The following RAD51B variants were observed in gnomAD, a reference collection of about 807,000 sequenced individuals.
The protein encoded by RAD51B is RAD51 paralog B.
A neutral mutation model predicts 42.2 loss-of-function variants in RAD51B; 38 were observed. That is an observed-to-expected ratio of 0.90 (90% CI 0.70 to 1.18). RAD51B has a LOEUF of 1.18. RAD51B is among the 50% of genes most tolerant of loss of function. The probability of loss-of-function intolerance (pLI) is 0.00; values close to 1 mark genes in which losing one functional copy is unlikely to be tolerated. For synonymous variants in RAD51B, 154 were observed against 145.2 expected (o/e 1.06, Z -0.43); for missense variants, 373 against 400.7 (o/e 0.93, Z 0.59).
intron 9 of RAD51B, among the ~76,000 whole-genome samples, chr14:68,441,652 A>G (rs1444387763): frequency 6.6e-6 from 1 of 152,156 alleles, no homozygotes; most frequent in Non-Finnish European, 1.5e-5. Context: ...TCCATTGCAA[A>G]AAAGATAATG....
At chr14:67,896,914 A>G (rs1461040367) in intron 7 of RAD51B, among the ~76,000 whole-genome samples, 2 of 152,224 alleles carry the variant, frequency 1.3e-5, no homozygotes, top group African/African-American at 2.4e-5. Context: ...CCAATGGAAC[A>G]GAATAGAGAG....
At chr14:68,181,970 C>T (rs546792736) in intron 7 of RAD51B, among the ~76,000 whole-genome samples, 30 of 152,268 alleles carry the variant, frequency 2.0e-4, no homozygotes, top group Middle Eastern at 3.4e-3. Context: ...AGATCCATTG[C>T]CACCTAAAGA....
chr14:68,396,569 G>T (rs2083930223), intron 8 of RAD51B, among the ~76,000 whole-genome samples: 1 of 152,342 alleles, frequency 6.6e-6, no homozygotes, highest in African/African-American at 2.4e-5. Flanking sequence ...ATGTGGAGAT[G>T]ATAGTCATAG....
intron 11 of RAD51B, among the ~76,000 whole-genome samples, chr14:68,670,986 C>A (rs1289432347): frequency 1.3e-5 from 2 of 152,176 alleles, no homozygotes; most frequent in Admixed American, 1.3e-4. Context: ...CAGATTGCAC[C>A]CTGATGCCAG....
At chr14:68,118,225 T>A (rs2077583644) in intron 7 of RAD51B, among the ~76,000 whole-genome samples, 1 of 152,210 alleles carries the variant, frequency 6.6e-6, no homozygotes, top group Non-Finnish European at 1.5e-5. Context: ...CTAATATAAG[T>A]ATAGTACAGT....
chr14:68,657,152 C>T (rs1370825186), intron 11 of RAD51B, among the ~76,000 whole-genome samples: 1 of 152,104 alleles, frequency 6.6e-6, no homozygotes, highest in Non-Finnish European at 1.5e-5. Context: ...AGAAACAGAA[C>T]CTTTACCTAA....
intron 9 of RAD51B, among the ~76,000 whole-genome samples, chr14:68,461,775 A>G (rs1393755424): frequency 3.3e-5 from 5 of 152,210 alleles, no homozygotes; most frequent in African/African-American, 1.2e-4. Context: ...CAGCTTATTT[A>G]CTAAGAGCAA....
rs1040739679 is a variant in RAD51B at position 68,287,215 on chromosome 14, A to G, written c.757-4669A>G. On this transcript the variant is annotated intron_variant, in intron 7 of 10. Transcript: ENST00000471583. The stretch of plus-strand genomic sequence containing the variant: ...CCGTATTTCTTTTTTAAAGATCTTA[A>G]TTTTTCTCCCTATTTTTCCTTGTGG... Among the ~76,000 whole-genome samples, 7 of 152,030 alleles carry G rather than the reference A, an allele frequency of 4.6e-5. No individual in the cohort carries two copies. In the East Asian group the frequency reaches 1.4e-3, roughly 29 times the overall value.
chr14:68,484,040 G>A (rs1472584991), intron 10 of RAD51B, among the ~76,000 whole-genome samples: 2 of 152,192 alleles, frequency 1.3e-5, no homozygotes. Flanking sequence ...TGACTTAACA[G>A]GGATTTAACT....
chr14:67,865,780 C>A, intron 5 of RAD51B, among the ~76,000 whole-genome samples: 1 of 145,768 alleles, frequency 6.9e-6, no homozygotes, highest in Non-Finnish European at 1.5e-5. Flanking sequence ...CCTTGTGATC[C>A]GCCTGCCTTG....
intron 7 of RAD51B, among the ~76,000 whole-genome samples, chr14:68,072,009 T>C (rs1045578301): frequency 7.3e-6 from 1 of 137,570 alleles, no homozygotes; most frequent in Non-Finnish European, 1.5e-5. Context: ...TCCAGGAATT[T>C]ACCCATTTCT....
At chr14:68,491,695 G>A (rs1008579090) in intron 10 of RAD51B, among the ~76,000 whole-genome samples, 16 of 152,112 alleles carry the variant, frequency 1.1e-4, no homozygotes, top group Non-Finnish European at 2.4e-4. Flanking sequence ...TAGCCTTCCC[G>A]AGTCCCAATT....
intron 7 of RAD51B, among the ~76,000 whole-genome samples, chr14:68,264,705 A>G (rs997638546): frequency 6.6e-5 from 10 of 152,218 alleles, no homozygotes; most frequent in Admixed American, 3.9e-4. Context: ...TAATCGGAGA[A>G]GAGATTAGTA....
intron 8 of RAD51B, among the ~76,000 whole-genome samples, chr14:68,303,373 G>A (rs532979049): frequency 2.2e-4 from 33 of 151,598 alleles, no homozygotes; most frequent in African/African-American, 7.3e-4. Context: ...CAGGTTGACG[G>A]GTGCAGCAAA....
At chr14:67,988,042 T>C (rs773590413) in intron 7 of RAD51B, among the ~76,000 whole-genome samples, 16 of 152,136 alleles carry the variant, frequency 1.1e-4, no homozygotes, top group Non-Finnish European at 1.9e-4. Flanking sequence ...AAAAACCCAA[T>C]AACAACCAAC....
At chr14:68,048,001 C>G (rs1343323638) in intron 7 of RAD51B, among the ~76,000 whole-genome samples, 2 of 152,098 alleles carry the variant, frequency 1.3e-5, no homozygotes, top group African/African-American at 4.8e-5. Flanking sequence ...AGAAGAAAGG[C>G]TGCTTTGAAA....
chr14:68,020,454 A>T (rs1341431222), intron 7 of RAD51B, among the ~76,000 whole-genome samples: 1 of 152,148 alleles, frequency 6.6e-6, no homozygotes, highest in African/African-American at 2.4e-5. Context: ...TTTTAAAAAC[A>T]TCACTTAAAG....
intron 7 of RAD51B, among the ~76,000 whole-genome samples, chr14:68,182,402 T>A (rs888024711): frequency 2.0e-5 from 3 of 152,262 alleles, no homozygotes; most frequent in African/African-American, 7.2e-5. Flanking sequence ...GCAGCAGGAT[T>A]TGCTTGAACA....
chr14:67,932,901 C>T (rs1057413495), intron 7 of RAD51B, among the ~76,000 whole-genome samples: 1 of 152,068 alleles, frequency 6.6e-6, no homozygotes, highest in African/African-American at 2.4e-5. Context: ...GGCTTGTCCA[C>T]CCTGGCCCCT....
Sources: gnomAD v4.1 joint callset for allele counts (sites outside exome capture counted in the v4.1 genomes callset) on GRCh38, gnomAD v4.1.1 for gene constraint, MANE v1.5 for transcripts, NCBI Gene and HGNC (gene_info 2026-07-23, HGNC 2026-07-21) for gene names.